PPP1R9A: variants seen among roughly 807,000 people sequenced by gnomAD.
PPP1R9A encodes protein phosphatase 1 regulatory subunit 9A.
Under a neutral mutation model 141.9 loss-of-function variants are expected in PPP1R9A, and 59 were observed. The observed-to-expected ratio is 0.42, with a 90% CI of 0.34 to 0.52. PPP1R9A has a LOEUF of 0.52. PPP1R9A is among the 20% of genes least tolerant of loss of function. The pLI is 0.10. For synonymous variants in PPP1R9A, 500 were observed against 569.7 expected (o/e 0.88, Z 1.74); for missense variants, 1,444 against 1,611.9 (o/e 0.90, Z 1.78).
Position 95,088,419 on chromosome 7 carries a change from TG to T in PPP1R9A, c.1396-22838del, listed in dbSNP as rs1459967502. ...ATTATGTGCTTTCTAACATTGAATT[TG>T]GAAAGTTTCACTGAAGTTCATGGCA... On this transcript the variant is annotated intron_variant, in intron 2 of 19. Transcript: ENST00000433360. Among the ~76,000 whole-genome samples the T allele has an allele frequency of 4.6e-5, 7 of 151,928 alleles. 1 individual carries two copies. Among genetic ancestry groups the T allele is most frequent in the African/African-American group, 1.7e-4 (7 of 41,228 alleles).
intron 5 of PPP1R9A, among the ~76,000 whole-genome samples, chr7:95,165,432 C>G (rs1831093299): frequency 6.6e-6 from 1 of 152,200 alleles, no homozygotes; most frequent in African/African-American, 2.4e-5. Flanking sequence ...CTAACTTAAC[C>G]AGACATGTGG....
chr7:95,196,744 A>G (rs1836341179), intron 5 of PPP1R9A, among the ~76,000 whole-genome samples: 1 of 152,188 alleles, frequency 6.6e-6, no homozygotes, highest in South Asian at 2.1e-4. Context: ...AAAGATTAAT[A>G]TAGGCCCAGG....
intron 7 of PPP1R9A, among the ~76,000 whole-genome samples, chr7:95,225,169 A>G (rs1172219309): frequency 6.6e-6 from 1 of 152,134 alleles, no homozygotes; most frequent in Non-Finnish European, 1.5e-5. Flanking sequence ...ATATAGAACT[A>G]TATGACATTA....
chr7:95,111,462 G>A (rs957866205), intron 3 of PPP1R9A, 71 bp downstream of exon 3: 19 of 1,406,596 alleles, frequency 1.4e-5, no homozygotes, highest in Admixed American at 1.1e-4. Context: ...TTTCCAAAAT[G>A]TAGCCTTTTT....
intron 2 of PPP1R9A, among the ~76,000 whole-genome samples, chr7:95,025,413 G>A (rs765069612): frequency 5.3e-5 from 8 of 152,096 alleles, no homozygotes; most frequent in Admixed American, 2.6e-4. Flanking sequence ...ACTCTCTTCT[G>A]GCTTGTAGGG....
At chr7:95,162,428 T>G (rs1426966418) in intron 5 of PPP1R9A, among the ~76,000 whole-genome samples, 1 of 152,240 alleles carries the variant, frequency 6.6e-6, no homozygotes, top group African/African-American at 2.4e-5. Context: ...TGACCAATGT[T>G]TGATGAATTA....
At chr7:94,973,107 C>T (rs932648286) in intron 2 of PPP1R9A, among the ~76,000 whole-genome samples, 1 of 152,180 alleles carries the variant, frequency 6.6e-6, no homozygotes, top group East Asian at 1.9e-4. Flanking sequence ...TCACTTCCTT[C>T]ACTTTTTTGC....
intron 2 of PPP1R9A, among the ~76,000 whole-genome samples, chr7:95,073,729 A>G (rs116600125): frequency 0.027 from 4,019 of 146,580 alleles, 182 homozygotes; most frequent in African/African-American, 0.096. Flanking sequence ...ATAAATACAT[A>G]TATATATAAA....
intron 2 of PPP1R9A, among the ~76,000 whole-genome samples, chr7:94,992,979 A>G (rs1319791122): frequency 2.6e-5 from 4 of 151,978 alleles, no homozygotes; most frequent in African/African-American, 9.7e-5. Context: ...TCACAAATAT[A>G]TTCTACTTTT....
intron 2 of PPP1R9A, among the ~76,000 whole-genome samples, chr7:95,004,190 TA>T (rs1405142572): frequency 6.6e-6 from 1 of 152,062 alleles, no homozygotes; most frequent in African/African-American, 2.4e-5. Flanking sequence ...TAATCTGTCA[TA>T]AAAATATATG....
At position 94,911,405 on chromosome 7, in the gene PPP1R9A, G is replaced by T; in HGVS notation, c.1292G>T (p.Ser431Ile). 1 of 1,613,330 alleles carries T rather than the reference G, an allele frequency of 6.2e-7. No homozygotes were observed. Among genetic ancestry groups the T allele is most frequent in the South Asian group, 1.1e-5 (1 of 91,070 alleles). Residue 431 changes from serine (S) to isoleucine (I), a missense_variant, in exon 2 of 20, where the codon AGT becomes ATT. Ser to Ile is a moderately radical substitution (Grantham distance 142). Transcript: ENST00000433360. ...QDEEEDSDEN[S>I]YYQPDMEYSE... ...GAGGAGGAAGATAGTGATGAGAACA[G>T]TTACTATCAGCCTGATATGGAGTAC...
chr7:95,278,291 A>T (rs1205224286), intron 16 of PPP1R9A, among the ~76,000 whole-genome samples: 1 of 152,262 alleles, frequency 6.6e-6, no homozygotes. Flanking sequence ...GTGTAGGAGA[A>T]TAATGAATGC....
chr7:95,202,600 C>G lies in PPP1R9A; in HGVS notation c.1891-1065C>G, dbSNP rs368672108. 1.5e-5 allele frequency: 14 copies of G among 912,536 alleles called. 1 individual carries two copies. In the East Asian group the frequency reaches 3.5e-4, roughly 23 times the overall value. The allele number at this position is 912,536 out of a possible 1,614,324, so 56.5% of individuals were successfully genotyped here. A position where few individuals can be genotyped will look rare whatever the true frequency, so the allele number is the denominator to read the frequency against. On this transcript the variant is annotated intron_variant, in intron 6 of 19. Transcript: ENST00000433360. Reference sequence around the variant, plus strand: ...CCATGGAGGATTTCAATAAATCTCTCAGACAATCAGCACTATTTCATGACA... The same window carrying G: ...CCATGGAGGATTTCAATAAATCTCTGAGACAATCAGCACTATTTCATGACA...
intron 2 of PPP1R9A, among the ~76,000 whole-genome samples, chr7:95,103,362 CTTTTTT>C (rs897838647): frequency 1.1e-5 from 1 of 88,816 alleles, no homozygotes; most frequent in Non-Finnish European, 2.2e-5. Flanking sequence ...TTTTTCACTT[CTTTTTT>C]TTTTTTTTTT....
At chr7:95,096,833 A>T (rs1294144400) in intron 2 of PPP1R9A, among the ~76,000 whole-genome samples, 1 of 151,734 alleles carries the variant, frequency 6.6e-6, no homozygotes, top group African/African-American at 2.4e-5. Flanking sequence ...CACACATACT[A>T]CCCCCAACCC....
intron 5 of PPP1R9A, among the ~76,000 whole-genome samples, chr7:95,164,940 T>G (rs978496367): frequency 2.0e-5 from 3 of 152,074 alleles, no homozygotes; most frequent in African/African-American, 7.2e-5. Flanking sequence ...ATCCTTTATT[T>G]GTGCCATTCC....
At chr7:95,061,737 A>G (rs1408468016) in intron 2 of PPP1R9A, among the ~76,000 whole-genome samples, 1 of 152,148 alleles carries the variant, frequency 6.6e-6, no homozygotes, top group African/African-American at 2.4e-5. Flanking sequence ...CCTGTGTCGA[A>G]TGAATGAATG....
intron 2 of PPP1R9A, among the ~76,000 whole-genome samples, chr7:95,104,733 T>A (rs1199482571): frequency 6.6e-6 from 1 of 152,204 alleles, no homozygotes; most frequent in Admixed American, 6.5e-5. Flanking sequence ...AAAGGAAAGT[T>A]GAGATTATAC....
chr7:94,946,850 T>G (rs1795947781), intron 2 of PPP1R9A, among the ~76,000 whole-genome samples: 1 of 152,212 alleles, frequency 6.6e-6, no homozygotes, highest in Non-Finnish European at 1.5e-5. Context: ...GTTTACTGTT[T>G]GAACTGTTGT....
Sources: gnomAD v4.1 joint callset for allele counts (sites outside exome capture counted in the v4.1 genomes callset) on GRCh38, gnomAD v4.1.1 for gene constraint, MANE v1.5 for transcripts, NCBI Gene and HGNC (gene_info 2026-07-23, HGNC 2026-07-21) for gene names.